BBOX1: variants seen among roughly 807,000 people sequenced by gnomAD.
BBOX1 encodes the protein gamma-butyrobetaine hydroxylase 1.
In BBOX1, 35 loss-of-function variants were observed where a neutral mutation model predicts 41.6. That is an observed-to-expected ratio of 0.84 (90% CI 0.64 to 1.11). The LOEUF is 1.11. Ranked by LOEUF, BBOX1 falls within the 50% of genes most tolerant of loss-of-function variation. The pLI, the probability that BBOX1 is intolerant of heterozygous loss-of-function variation, is 0.00. For synonymous variants in BBOX1, 163 were observed against 154.7 expected (o/e 1.05, Z -0.40); for missense variants, 458 against 460.6 (o/e 0.99, Z 0.05).
intron 5 of BBOX1, among the ~76,000 whole-genome samples, chr11:27,098,257 C>T (rs1343586347): frequency 2.6e-5 from 4 of 152,092 alleles, no homozygotes; most frequent in African/African-American, 9.6e-5. Flanking sequence ...GCATCCTCTG[C>T]AGCGCTACAG....
At chr11:27,091,008 C>T (rs1858224908) in intron 4 of BBOX1, among the ~76,000 whole-genome samples, 1 of 151,880 alleles carries the variant, frequency 6.6e-6, no homozygotes, top group African/African-American at 2.4e-5. Flanking sequence ...ACAGTTAACA[C>T]AATTATCACA....
At chr11:27,087,975 TAG>T (rs1213960946) in intron 4 of BBOX1, among the ~76,000 whole-genome samples, 1 of 152,092 alleles carries the variant, frequency 6.6e-6, no homozygotes, top group Non-Finnish European at 1.5e-5. Context: ...TGCATTATCC[TAG>T]AGTCTCTTTG....
In BBOX1 at chr11:27,115,539, C is replaced by T. The variant is rs76937267; in HGVS notation, c.621C>T (p.Ala207=). The T allele has an allele frequency of 2.6e-3, 4,145 of 1,609,888 alleles. 71 individuals carry two copies. The African/African-American group carries it at 0.041, about 16-fold the overall frequency. The part of the protein sequence containing the change: ...GKLSFHTDYP[A]LHHPPGVQLL... Reference sequence around the variant, plus strand: ...TAAGCTTTCACACTGATTATCCAGCCCTCCATCATCCACCTGGGGTAAGTG... The same window carrying T: ...TAAGCTTTCACACTGATTATCCAGCTCTCCATCATCCACCTGGGGTAAGTG... Residue 207 remains alanine (A), a synonymous_variant, in exon 6 of 9, where the codon GCC becomes GCT. Transcript: ENST00000263182.
chr11:27,114,269 G>A (rs1564987519), intron 5 of BBOX1, among the ~76,000 whole-genome samples: 1 of 151,682 alleles, frequency 6.6e-6, no homozygotes, highest in East Asian at 1.9e-4. Flanking sequence ...TAAAGAAATA[G>A]AATGGCATCC....
chr11:27,074,646 C>A (rs1342801976), intron 4 of BBOX1, among the ~76,000 whole-genome samples: 1 of 152,158 alleles, frequency 6.6e-6, no homozygotes, highest in Non-Finnish European at 1.5e-5. Context: ...GAAGAAATTT[C>A]TAAGCAGCAA....
intron 4 of BBOX1, among the ~76,000 whole-genome samples, chr11:27,092,674 G>C (rs1018020201): frequency 1.3e-5 from 2 of 151,842 alleles, no homozygotes; most frequent in African/African-American, 2.4e-5. Flanking sequence ...TTCTTAACAG[G>C]TGAAATAAGA....
chr11:27,044,380 G>A (rs916226143), intron 2 of BBOX1, among the ~76,000 whole-genome samples: 10 of 152,004 alleles, frequency 6.6e-5, no homozygotes, highest in East Asian at 1.9e-4. Context: ...TCTCCCATTC[G>A]GTAGGTTGTC....
chr11:27,122,541 T>C (rs1440024534), intron 7 of BBOX1, among the ~76,000 whole-genome samples: 5 of 152,130 alleles, frequency 3.3e-5, no homozygotes, highest in Non-Finnish European at 2.9e-5. Flanking sequence ...GGTCTGAATT[T>C]CTAGAAACCA....
chr11:27,109,074 A>G (rs927052825), intron 5 of BBOX1, among the ~76,000 whole-genome samples: 1 of 152,114 alleles, frequency 6.6e-6, no homozygotes, highest in Non-Finnish European at 1.5e-5. Context: ...TTTACAGTCC[A>G]GAAGAGGAAG....
At position 27,057,314 on chromosome 11, in the gene BBOX1, A is replaced by G. The variant is rs1335132544; in HGVS notation, c.333A>G (p.Pro111=). ...AGCTCCAAAGAGAATTGTTTTTTCC[A>G]GGTAACTTTGCCAAAGTCTTCAATG... ...RAKLQRELFF[P]ECQYWGSELQ... is the part of the protein sequence containing the mutation. The change falls in exon 4 of 9, where the codon CCA becomes CCG. Residue 111 remains proline (P), a splice_region_variant and synonymous_variant. Transcript: ENST00000263182. 6.2e-7 allele frequency: 1 copy of G among 1,606,482 alleles called. No homozygotes were observed. Among genetic ancestry groups the G allele is most frequent in the Admixed American group, 1.7e-5 (1 of 58,526 alleles).
chr11:27,111,761 G>C (rs1464983549), intron 5 of BBOX1, among the ~76,000 whole-genome samples: 1 of 151,920 alleles, frequency 6.6e-6, no homozygotes, highest in Non-Finnish European at 1.5e-5. Flanking sequence ...TAAATAAAGA[G>C]AAAGAATCAA....
chr11:27,081,119 A>C (rs1590195821), intron 4 of BBOX1, among the ~76,000 whole-genome samples: 2 of 152,258 alleles, frequency 1.3e-5, no homozygotes, highest in East Asian at 3.9e-4. Context: ...AAATTTGACA[A>C]AGGATCATAT....
chr11:27,090,148 G>A (rs1858192142), intron 4 of BBOX1, among the ~76,000 whole-genome samples: 1 of 151,964 alleles, frequency 6.6e-6, no homozygotes, highest in East Asian at 1.9e-4. Flanking sequence ...ACATGAAAGA[G>A]TAGCTGGGCA....
Position 27,124,923 on chromosome 11 carries a change from A to G in BBOX1, c.837-731A>G, listed in dbSNP as rs1400029680. On this transcript the variant is annotated intron_variant, in intron 7 of 8. Transcript: ENST00000263182. The stretch of plus-strand genomic sequence containing the variant: ...AGATCACAACATTAAGAGCTCTCAA[A>G]TTACTAAAAATAAAAACCTTAGTGC... Among the ~76,000 whole-genome samples, 3 of 152,194 alleles carry G rather than the reference A, an allele frequency of 2.0e-5. No homozygotes were observed. In the East Asian group the frequency reaches 5.8e-4, roughly 29 times the overall value.
At chr11:27,088,577 T>C (rs981310701) in intron 4 of BBOX1, among the ~76,000 whole-genome samples, 1 of 152,030 alleles carries the variant, frequency 6.6e-6, no homozygotes. Context: ...ATGTTCCTAA[T>C]TGTAACTTGC....
chr11:27,077,447 T>C (rs909822400), intron 4 of BBOX1, among the ~76,000 whole-genome samples: 1 of 152,138 alleles, frequency 6.6e-6, no homozygotes, highest in Non-Finnish European at 1.5e-5. Flanking sequence ...TGGCTTACAG[T>C]GAAGACTACA....
At chr11:27,044,178 A>G (rs1269667286) in intron 2 of BBOX1, among the ~76,000 whole-genome samples, 1 of 152,114 alleles carries the variant, frequency 6.6e-6, no homozygotes, top group African/African-American at 2.4e-5. Flanking sequence ...TTTGATTTGC[A>G]TTTGTCTAAT....
At chr11:27,076,852 G>A (rs1452897153) in intron 4 of BBOX1, among the ~76,000 whole-genome samples, 3 of 152,154 alleles carry the variant, frequency 2.0e-5, no homozygotes, top group East Asian at 1.9e-4. Flanking sequence ...AAAGTGGGGA[G>A]TAGCAGGTGG....
At chr11:27,107,121 C>G (rs1238203386) in intron 5 of BBOX1, among the ~76,000 whole-genome samples, 1 of 151,726 alleles carries the variant, frequency 6.6e-6, no homozygotes. Context: ...CACTAAATGC[C>G]CACAAGAGAA....
Sources: allele counts gnomAD v4.1 joint callset (sites outside exome capture counted in the v4.1 genomes callset), GRCh38; gene constraint gnomAD v4.1.1; transcripts MANE v1.5; gene names NCBI Gene and HGNC (gene_info 2026-07-23, HGNC 2026-07-21).